Variants in BCL11A observed in about 807,000 individuals in gnomAD.
BCL11A encodes B cell CLL/lymphoma 11A.
A neutral mutation model predicts 55.9 loss-of-function variants in BCL11A; 2 were observed. The observed-to-expected ratio is 0.04, with a 90% CI of 0.01 to 0.11. BCL11A has a LOEUF of 0.11. Ranked by LOEUF, BCL11A falls within the 10% of genes least tolerant of loss-of-function variation. The probability of loss-of-function intolerance (pLI) is 1.00; values close to 1 mark genes in which losing one functional copy is unlikely to be tolerated. For synonymous variants in BCL11A, 465 were observed against 473.4 expected, an observed-to-expected ratio of 0.98 and a Z score of 0.23; for missense variants, 817 against 1,137.1, an observed-to-expected ratio of 0.72 and a Z score of 4.05.
intron 2 of BCL11A, among the ~76,000 whole-genome samples, chr2:60,482,866 C>G (rs943360429): frequency 2.0e-5 from 3 of 152,218 alleles, no homozygotes; most frequent in Non-Finnish European, 4.4e-5. Context: ...TCCAACTAGA[C>G]AAATAATTGC....
At chr2:60,512,723 G>A (rs138880895) in intron 2 of BCL11A, among the ~76,000 whole-genome samples, 2 of 152,284 alleles carry the variant, frequency 1.3e-5, no homozygotes, top group African/African-American at 2.4e-5. Flanking sequence ...GCATCCCTAC[G>A]TTACTTGAAG....
At chr2:60,501,558 G>A (rs765787156) in intron 2 of BCL11A, among the ~76,000 whole-genome samples, 2 of 148,106 alleles carry the variant, frequency 1.4e-5, no homozygotes, top group Non-Finnish European at 3.0e-5. Context: ...TGCCCAGGCT[G>A]GGGTGCAATG....
chr2:60,553,152 G>C (rs1670491166), intron 1 of BCL11A, 64 bp downstream of exon 1: 2 of 1,513,544 alleles, frequency 1.3e-6, no homozygotes, highest in Non-Finnish European at 8.9e-7. Flanking sequence ...CCTCGCTTTT[G>C]CTTCTAGTCC....
At chr2:60,475,367 T>A (rs1014595357) in intron 2 of BCL11A, among the ~76,000 whole-genome samples, 1 of 152,162 alleles carries the variant, frequency 6.6e-6, no homozygotes, top group African/African-American at 2.4e-5. Flanking sequence ...AATTGTTTCT[T>A]CCCCCAATGA....
Position 60,519,761 on chromosome 2 carries a change from CTG to C in BCL11A, c.385+26208_385+26209del, listed in dbSNP as rs999848745. On this transcript the variant is annotated intron_variant, in intron 2 of 3. Transcript: ENST00000642384. ...TTTAGGAATTCACGTGGGCATGGGA[CTG>C]TGCTTATTCAGAAAGGGCTCCCAGT... Among the ~76,000 whole-genome samples the C allele has an allele frequency of 1.7e-4, 26 of 152,334 alleles. No homozygotes were observed. The South Asian group carries it at 4.4e-3, about 26-fold the overall frequency.
At chr2:60,509,571 C>T (rs544943953) in intron 2 of BCL11A, among the ~76,000 whole-genome samples, 4 of 152,136 alleles carry the variant, frequency 2.6e-5, no homozygotes, top group South Asian at 2.1e-4. Flanking sequence ...AGAAAACAAA[C>T]GAAGGGAAAG....
At chr2:60,535,394 C>G (rs539673291) in intron 2 of BCL11A, 5 of 152,314 alleles carry the variant, frequency 3.3e-5, no homozygotes, top group East Asian at 1.9e-4. Context: ...AACATCGTCA[C>G]GGACTTTGTT....
exon 5 of BCL11A, chr2:60,451,430 G>C (rs1675718318): frequency 8.7e-6 from 2 of 228,878 alleles, no homozygotes; most frequent in Non-Finnish European, 1.7e-5. Flanking sequence ...AAAGTTCTGT[G>C]CAAATTAACT....
intron 1 of BCL11A, among the ~76,000 whole-genome samples, chr2:60,548,060 G>A (rs1272800374): frequency 6.6e-6 from 1 of 152,190 alleles, no homozygotes; most frequent in Non-Finnish European, 1.5e-5. Context: ...AAACAGAAGT[G>A]CCTCTGCATT....
intron 2 of BCL11A, among the ~76,000 whole-genome samples, chr2:60,529,653 C>T (rs1230812136): frequency 6.6e-6 from 1 of 152,060 alleles, no homozygotes; most frequent in African/African-American, 2.4e-5. Context: ...AACCCAGAGG[C>T]CCCCAAATTT....
intron 2 of BCL11A, among the ~76,000 whole-genome samples, chr2:60,512,302 T>C (rs989591384): frequency 1.3e-5 from 2 of 152,186 alleles, no homozygotes; most frequent in Admixed American, 6.5e-5. Flanking sequence ...AATCATTCAT[T>C]TGGGCTTGTG....
Position 60,462,118 on chromosome 2 carries a change from AG to A in BCL11A, c.793del (p.Leu265CysfsTer15). 1.3e-6 allele frequency: 2 copies of A among 1,555,116 alleles called. No individual in the cohort carries two copies. Among genetic ancestry groups the A allele is most frequent in the Non-Finnish European group, 1.7e-6 (2 of 1,152,672 alleles). On this transcript the variant is annotated frameshift_variant, in exon 4 of 4. Coordinates refer to ENST00000642384, the MANE Select transcript of BCL11A (RefSeq NM_022893.4). LOFTEE classifies it high-confidence loss of function. ...AEGRFPPTPP[L>X]FSPPPRHHLD... ...GTGATGTCTCGGTGGTGGACTAAACAGGGGGGGAGTGGGTGGAAAGCGCCCT... is the reference window on the plus strand; with the variant it reads ...GTGATGTCTCGGTGGTGGACTAAACAGGGGGGAGTGGGTGGAAAGCGCCCT...
At chr2:60,519,323 C>T (rs535474696) in intron 2 of BCL11A, among the ~76,000 whole-genome samples, 4 of 152,276 alleles carry the variant, frequency 2.6e-5, no homozygotes, top group African/African-American at 9.6e-5. Flanking sequence ...GAACATTACA[C>T]CTGTCAGGTG....
At chr2:60,528,473 G>A (rs368156688) in intron 2 of BCL11A, 3 of 152,234 alleles carry the variant, frequency 2.0e-5, no homozygotes, top group Admixed American at 2.0e-4. Flanking sequence ...CAACAGCTCC[G>A]TGCTCCTTCA....
chr2:60,462,478 G>A, intron 3 of BCL11A, 54 bp from the exon 4 acceptor site: 1 of 1,550,776 alleles, frequency 6.4e-7, no homozygotes. Context: ...GCGGGCATCA[G>A]CAATTGCTTA....
chr2:60,531,676 A>G (rs1669463052), intron 2 of BCL11A, among the ~76,000 whole-genome samples: 1 of 152,156 alleles, frequency 6.6e-6, no homozygotes, highest in Admixed American at 6.5e-5. Context: ...GTGTTTTGGC[A>G]GTGCCCTGGC....
intron 2 of BCL11A, among the ~76,000 whole-genome samples, chr2:60,512,651 GCC>G (rs940476312): frequency 6.6e-6 from 1 of 152,078 alleles, no homozygotes; most frequent in Non-Finnish European, 1.5e-5. Flanking sequence ...GAAAACTGAA[GCC>G]CCCAGCAACT....
At chr2:60,553,811 G>A (rs1450575714), upstream of BCL11A, 2 of 123,212 alleles carry the variant, frequency 1.6e-5, no homozygotes, top group Admixed American at 8.1e-5. Flanking sequence ...GGGCTCCGCG[G>A]ACGCCAGACG....
chr2:60,492,615 C>CCTTTCTCT (rs71810533), intron 2 of BCL11A, among the ~76,000 whole-genome samples: 10 of 144,620 alleles, frequency 6.9e-5, no homozygotes, highest in African/African-American at 2.6e-4. Context: ...AGTGGGCCTC[C>CCTTTCTCT]CTCTCTCTCT....
Sources: gnomAD v4.1 joint callset for allele counts (sites outside exome capture counted in the v4.1 genomes callset) on GRCh38, gnomAD v4.1.1 for gene constraint, MANE v1.5 for transcripts, NCBI Gene and HGNC (gene_info 2026-07-23, HGNC 2026-07-21) for gene names.